Variants in LIN7A observed in about 807,000 individuals in gnomAD.
LIN7A encodes lin-7 cell polarity scaffold A, also known as protein lin-7 homolog A.
Under a neutral mutation model 29.8 loss-of-function variants are expected in LIN7A, and 25 were observed. The ratio of observed to expected loss-of-function variants is 0.84; its 90% CI spans 0.61 to 1.17. The LOEUF (loss-of-function observed/expected upper bound fraction) is 1.17. Among genes scored for constraint, LIN7A ranks in the 50% most tolerant of loss-of-function variants. LIN7A has a pLI of 0.00. For missense variants in LIN7A, 239 were observed against 287.0 expected (o/e 0.83, Z 1.21); for synonymous variants, 118 against 107.5 (o/e 1.10, Z -0.60).
chr12:80,912,727 AAAG>A (rs1320451538), intron 1 of LIN7A, among the ~76,000 whole-genome samples: 35 of 148,964 alleles, frequency 2.3e-4, no homozygotes, highest in African/African-American at 8.1e-4. Flanking sequence ...AAAAAAAAAA[AAAG>A]AAAAGAAAAG....
At chr12:80,933,005 T>C (rs1039893035) in intron 1 of LIN7A, among the ~76,000 whole-genome samples, 32 of 152,332 alleles carry the variant, frequency 2.1e-4, no homozygotes, top group East Asian at 9.6e-4. Flanking sequence ...CTTATCAGTA[T>C]CTTCTCTTTG....
At chr12:80,908,359 A>G (rs1876589333) in intron 1 of LIN7A, among the ~76,000 whole-genome samples, 1 of 152,130 alleles carries the variant, frequency 6.6e-6, no homozygotes, top group Non-Finnish European at 1.5e-5. Flanking sequence ...ATTCATATGT[A>G]TAAGTAATAC....
At chr12:80,936,587 GTCCTCC>G (rs1347790147) in intron 1 of LIN7A, 4 of 152,266 alleles carry the variant, frequency 2.6e-5, no homozygotes, top group Non-Finnish European at 5.9e-5. Flanking sequence ...ACTAGAGGGT[GTCCTCC>G]TCTGCAGAGC....
At chr12:80,918,741 A>C (rs1877147716) in intron 1 of LIN7A, among the ~76,000 whole-genome samples, 1 of 152,222 alleles carries the variant, frequency 6.6e-6, no homozygotes, top group South Asian at 2.1e-4. Context: ...ACTCACTTAA[A>C]ATTCATCTCT....
intron 5 of LIN7A, among the ~76,000 whole-genome samples, chr12:80,807,080 T>TTTTTTTTTTTTTTTTTGTTTTTTG (rs1565883886): frequency 7.4e-6 from 1 of 134,686 alleles, no homozygotes; most frequent in African/African-American, 2.8e-5. Flanking sequence ...TTTTTTTTTT[T>TTTTTTTTTTTTTTTTTGTTTTTTG]TTTTTTTTTT....
At chr12:80,881,114 T>G (rs1006446946) in intron 2 of LIN7A, among the ~76,000 whole-genome samples, 5 of 151,052 alleles carry the variant, frequency 3.3e-5, no homozygotes, top group Non-Finnish European at 7.4e-5. Context: ...CAAATATAAG[T>G]TTTGGTAAAT....
chr12:80,903,670 A>G (rs1876335619), intron 1 of LIN7A, among the ~76,000 whole-genome samples: 1 of 150,530 alleles, frequency 6.6e-6, no homozygotes, highest in African/African-American at 2.5e-5. Context: ...TTTGTTATAA[A>G]GATTTTTTTT....
At chr12:80,809,105 C>T (rs577498540) in intron 5 of LIN7A, among the ~76,000 whole-genome samples, 2 of 152,044 alleles carry the variant, frequency 1.3e-5, no homozygotes, top group East Asian at 1.9e-4. Context: ...CCTGCCTCAG[C>T]CTCCCAAGTA....
At chr12:80,812,751 A>G (rs1311210782) in intron 4 of LIN7A, among the ~76,000 whole-genome samples, 1 of 151,416 alleles carries the variant, frequency 6.6e-6, no homozygotes, top group African/African-American at 2.4e-5. Flanking sequence ...GCGTTTCACT[A>G]TGTTGGCCAG....
At chr12:80,849,783 T>G (rs146712337) in intron 2 of LIN7A, among the ~76,000 whole-genome samples, 33 of 152,240 alleles carry the variant, frequency 2.2e-4, no homozygotes, top group African/African-American at 7.2e-4. Flanking sequence ...GGAATGCCCT[T>G]CCACCTGGCA....
chr12:80,870,845 T>C (rs2120494024), intron 2 of LIN7A, among the ~76,000 whole-genome samples: 1 of 152,316 alleles, frequency 6.6e-6, no homozygotes, highest in Non-Finnish European at 1.5e-5. Context: ...TGTTGTACTA[T>C]GGTAGGCACA....
intron 4 of LIN7A, among the ~76,000 whole-genome samples, chr12:80,813,021 T>A (rs190258161): frequency 2.8e-4 from 43 of 151,800 alleles, no homozygotes; most frequent in Admixed American, 1.1e-3. Context: ...ACAGATATAT[T>A]TTTTTTTGAG....
At chr12:80,883,625 CATTG>C (rs1276711531) in intron 2 of LIN7A, among the ~76,000 whole-genome samples, 2 of 152,034 alleles carry the variant, frequency 1.3e-5, no homozygotes, top group Non-Finnish European at 2.9e-5. Flanking sequence ...TGATAAAATC[CATTG>C]ATTGTGTAAT....
At chr12:80,803,108 C>T (rs1388154990) in intron 5 of LIN7A, among the ~76,000 whole-genome samples, 1 of 151,982 alleles carries the variant, frequency 6.6e-6, no homozygotes, top group Non-Finnish European at 1.5e-5. Context: ...CTGTTGTTTC[C>T]TTTGCTGTGA....
At chr12:80,891,931 T>C (rs151326172) in intron 1 of LIN7A, among the ~76,000 whole-genome samples, 17 of 151,952 alleles carry the variant, frequency 1.1e-4, no homozygotes, top group African/African-American at 3.1e-4. Context: ...AAGAGATGAG[T>C]GGCAAGAGAT....
chr12:80,880,766 CACACACACAT>C (rs1353549138), intron 2 of LIN7A, among the ~76,000 whole-genome samples: 163 of 141,136 alleles, frequency 1.2e-3, no homozygotes, highest in African/African-American at 3.6e-3. Flanking sequence ...CACACACACA[CACACACACAT>C]ACACACACAC....
intron 1 of LIN7A, among the ~76,000 whole-genome samples, chr12:80,915,634 G>A (rs1001379714): frequency 6.6e-6 from 1 of 152,192 alleles, no homozygotes; most frequent in Admixed American, 6.5e-5. Flanking sequence ...GTTGTCCATC[G>A]ATGGTGGATT....
intron 4 of LIN7A, among the ~76,000 whole-genome samples, chr12:80,823,045 G>A (rs963516176): frequency 1.3e-5 from 2 of 152,146 alleles, no homozygotes; most frequent in East Asian, 1.9e-4. Context: ...ATGATGGGTC[G>A]ACCAGTCTGC....
At chr12:80,874,523 A>G (rs1159986245) in intron 2 of LIN7A, among the ~76,000 whole-genome samples, 1 of 152,246 alleles carries the variant, frequency 6.6e-6, no homozygotes, top group Non-Finnish European at 1.5e-5. Flanking sequence ...ATAGAATACC[A>G]TAAGACAATA....
Sources: allele counts gnomAD v4.1 joint callset (sites outside exome capture counted in the v4.1 genomes callset), GRCh38; gene constraint gnomAD v4.1.1; transcripts MANE v1.5; gene names NCBI Gene and HGNC (gene_info 2026-07-23, HGNC 2026-07-21).